Variants in SPON1 observed in about 807,000 individuals in gnomAD.
SPON1 encodes spondin-1.
In SPON1, 52 loss-of-function variants were observed where a neutral mutation model predicts 111.7. That is an observed-to-expected ratio of 0.47 (90% CI 0.37 to 0.59). The LOEUF is 0.59. Among genes scored for constraint, SPON1 ranks in the 20% least tolerant of loss-of-function variants. The probability of loss-of-function intolerance (pLI) is 0.00; values close to 1 mark genes in which losing one functional copy is unlikely to be tolerated. For synonymous variants in SPON1, 410 were observed against 395.8 expected, an observed-to-expected ratio of 1.04 and a Z score of -0.43; for missense variants, 957 against 1,068.5, an observed-to-expected ratio of 0.90 and a Z score of 1.46.
At chr11:14,200,461 A>AT (rs1236239704) in intron 6 of SPON1, among the ~76,000 whole-genome samples, 1 of 152,188 alleles carries the variant, frequency 6.6e-6, no homozygotes, top group African/African-American at 2.4e-5. Context: ...TTCTATAAAG[A>AT]TTTTTTGTTG....
intron 6 of SPON1, among the ~76,000 whole-genome samples, chr11:14,194,527 T>C (rs1848380021): frequency 9.3e-6 from 1 of 107,512 alleles, no homozygotes; most frequent in African/African-American, 4.0e-5. Context: ...CTAGGCCTAC[T>C]TCACACACAC....
intron 5 of SPON1, among the ~76,000 whole-genome samples, chr11:14,119,552 A>G (rs1212409669): frequency 1.3e-5 from 2 of 152,180 alleles, no homozygotes; most frequent in African/African-American, 4.8e-5. Flanking sequence ...CCCTTGAGGT[A>G]GACACTCACT....
At chr11:14,044,100 GT>G (rs1322394907) in intron 3 of SPON1, among the ~76,000 whole-genome samples, 3 of 114,342 alleles carry the variant, frequency 2.6e-5, no homozygotes, top group African/African-American at 8.4e-5. Context: ...TATTAGGCAA[GT>G]TTTTTAAAGT....
intron 6 of SPON1, among the ~76,000 whole-genome samples, chr11:14,183,334 C>T (rs1202145702): frequency 1.3e-5 from 2 of 152,166 alleles, no homozygotes; most frequent in East Asian, 3.9e-4. Context: ...AGCTATTTTT[C>T]TCCCTCTTCT....
intron 1 of SPON1, among the ~76,000 whole-genome samples, chr11:13,964,606 GT>G (rs1848001499): frequency 6.6e-6 from 1 of 152,224 alleles, no homozygotes; most frequent in Non-Finnish European, 1.5e-5. Context: ...GCGAGGAACA[GT>G]CTGACCCCGG....
chr11:14,157,972 T>A (rs997515205), intron 6 of SPON1, among the ~76,000 whole-genome samples: 11 of 152,180 alleles, frequency 7.2e-5, no homozygotes, highest in Non-Finnish European at 1.0e-4. Context: ...ATCTAGATCA[T>A]TTGTAGGTCT....
intron 6 of SPON1, among the ~76,000 whole-genome samples, chr11:14,143,435 C>T (rs1554929004): frequency 6.6e-6 from 1 of 152,014 alleles, no homozygotes; most frequent in East Asian, 1.9e-4. Flanking sequence ...TGGAGGTGCA[C>T]GTCTGTAGTC....
At chr11:14,063,626 T>G (rs1489742035) in intron 3 of SPON1, among the ~76,000 whole-genome samples, 1 of 152,122 alleles carries the variant, frequency 6.6e-6, no homozygotes, top group Non-Finnish European at 1.5e-5. Context: ...AAGGATGAGG[T>G]CAGATGCTAC....
At chr11:14,096,148 T>G (rs1173972736) in intron 5 of SPON1, among the ~76,000 whole-genome samples, 1 of 152,206 alleles carries the variant, frequency 6.6e-6, no homozygotes, top group Admixed American at 6.5e-5. Flanking sequence ...TCTCTTGCCT[T>G]CCTTCTGCCT....
chr11:14,109,625 G>C (rs1286460144), intron 5 of SPON1, among the ~76,000 whole-genome samples: 1 of 151,976 alleles, frequency 6.6e-6, no homozygotes, highest in African/African-American at 2.4e-5. Flanking sequence ...TATGCCTTAT[G>C]ACATGTCCAT....
chr11:14,065,822 TA>T (rs1219091905), intron 3 of SPON1, among the ~76,000 whole-genome samples: 6 of 152,192 alleles, frequency 3.9e-5, no homozygotes, highest in Non-Finnish European at 7.3e-5. Context: ...TTCATCATCC[TA>T]AAACCTGTCT....
At chr11:14,090,506 G>C (rs373772304) in intron 5 of SPON1, among the ~76,000 whole-genome samples, 2 of 152,094 alleles carry the variant, frequency 1.3e-5, no homozygotes, top group African/African-American at 4.8e-5. Flanking sequence ...TGTGTTTGGA[G>C]TTTCTTCCTT....
chr11:14,184,179 C>T (rs541986599), intron 6 of SPON1, among the ~76,000 whole-genome samples: 1 of 152,268 alleles, frequency 6.6e-6, no homozygotes, highest in East Asian at 1.9e-4. Flanking sequence ...TACAGATTCC[C>T]TTTTCTAAGT....
intron 5 of SPON1, among the ~76,000 whole-genome samples, chr11:14,109,119 G>C (rs1011776174): frequency 1.3e-5 from 2 of 152,088 alleles, no homozygotes; most frequent in African/African-American, 2.4e-5. Flanking sequence ...CACTGGACTG[G>C]TTCTAGTTCT....
intron 1 of SPON1, among the ~76,000 whole-genome samples, chr11:13,981,706 G>GT (rs1209693330): frequency 1.3e-5 from 2 of 152,234 alleles, no homozygotes; most frequent in Non-Finnish European, 2.9e-5. Context: ...TCCAGCTGCT[G>GT]TAACAGGTGG....
At position 14,008,649 on chromosome 11, in the gene SPON1, C is replaced by T. The variant is rs370548809; in HGVS notation, c.345+25696C>T. On this transcript the variant is annotated intron_variant, in intron 2 of 15. Transcript: ENST00000576479. ...GCATCTTTCCTCACTTCTTCTCCTA[C>T]TAAAATAATGGATCTCTCCATCCCT... Among the ~76,000 whole-genome samples, 163 of 152,292 alleles carry T rather than the reference C, an allele frequency of 1.1e-3. 2 individuals are homozygous for T. In the South Asian group the frequency reaches 0.033, roughly 30 times the overall value.
chr11:14,031,252 G>C (rs1295920575), intron 2 of SPON1, among the ~76,000 whole-genome samples: 2 of 152,182 alleles, frequency 1.3e-5, no homozygotes, highest in Non-Finnish European at 2.9e-5. Flanking sequence ...TTTGTGTACT[G>C]TGCTCACTAC....
At chr11:14,157,881 T>C (rs1473469207) in intron 6 of SPON1, among the ~76,000 whole-genome samples, 1 of 152,168 alleles carries the variant, frequency 6.6e-6, no homozygotes, top group Non-Finnish European at 1.5e-5. Flanking sequence ...TTCCAGTTTG[T>C]TGCTAAAATT....
Position 14,161,086 on chromosome 11 carries a change from A to ATATATATCTATATATTTTATATATATC in SPON1, c.825+25590_825+25616dup, listed in dbSNP as rs1554931191. Among the ~76,000 whole-genome samples the ATATATATCTATATATTTTATATATATC allele has an allele frequency of 3.0e-3, 76 of 25,424 alleles. 1 individual carries two copies. Among genetic ancestry groups the ATATATATCTATATATTTTATATATATC allele is most frequent in the African/African-American group, 7.4e-3 (55 of 7,428 alleles). 16.7% of individuals were successfully genotyped at this position (25,424 alleles called of 152,430 possible). On this transcript the variant is annotated intron_variant, in intron 6 of 15. Transcript: ENST00000576479. ...ATATATCTATAATTTTTATATATTTATATATATCTATATATTTTATATATA... is the reference window on the plus strand; with the variant it reads ...ATATATCTATAATTTTTATATATTTATATATATCTATATATTTTATATATATCTATATATCTATATATTTTATATATA...
Sources: gnomAD v4.1 joint callset for allele counts (sites outside exome capture counted in the v4.1 genomes callset) on GRCh38, gnomAD v4.1.1 for gene constraint, MANE v1.5 for transcripts, NCBI Gene and HGNC (gene_info 2026-07-23, HGNC 2026-07-21) for gene names.